NCKAP5: variants seen among roughly 807,000 people sequenced by gnomAD.
NCKAP5 encodes NCK associated protein 5.
NCKAP5 carries 92 observed loss-of-function variants against 167.0 expected under a neutral mutation model. The ratio of observed to expected loss-of-function variants is 0.55; its 90% confidence interval spans 0.47 to 0.66. The LOEUF (loss-of-function observed/expected upper bound fraction) is 0.66. NCKAP5 is among the 30% of genes least tolerant of loss of function. The pLI, the probability that NCKAP5 is intolerant of heterozygous loss-of-function variation, is 0.00. For missense variants in NCKAP5, 2,378 were observed against 2,315.0 expected (o/e 1.03, Z -0.56); for synonymous variants, 891 against 877.4 (o/e 1.02, Z -0.27).
At chr2:133,474,112 A>ATATCTC (rs1679607948) in intron 3 of NCKAP5, among the ~76,000 whole-genome samples, 1 of 137,858 alleles carries the variant, frequency 7.3e-6, no homozygotes. Context: ...AGAAAATGTG[A>ATATCTC]TATCTATCTA....
In NCKAP5 at chr2:132,945,440, C is replaced by T. The variant is rs531196707; in HGVS notation, c.579+18280G>A. Among the ~76,000 whole-genome samples, 5 of 152,124 alleles carry T rather than the reference C, an allele frequency of 3.3e-5. No individual in the cohort carries two copies. The East Asian group carries it at 7.8e-4, about 24-fold the overall frequency. Reference sequence around the variant, plus strand: ...GTTAGCTGAAAGGAGGATCTCTGTGCCCTTGGGAATCGATGGAAGTCATAT... The same window carrying T: ...GTTAGCTGAAAGGAGGATCTCTGTGTCCTTGGGAATCGATGGAAGTCATAT... On this transcript the variant is annotated intron_variant, in intron 8 of 19. Coordinates refer to ENST00000409261, the MANE Select transcript of NCKAP5 (RefSeq NM_207363.3).
At chr2:133,446,596 G>C (rs982258165) in intron 3 of NCKAP5, among the ~76,000 whole-genome samples, 1 of 152,174 alleles carries the variant, frequency 6.6e-6, no homozygotes, top group Non-Finnish European at 1.5e-5. Context: ...CCCAGAAGTC[G>C]TGTGTATGAG....
chr2:133,433,594 C>A (rs938090696), intron 3 of NCKAP5: 2 of 152,070 alleles, frequency 1.3e-5, no homozygotes, highest in African/African-American at 4.8e-5. Context: ...AAATAATGAG[C>A]TAAATAAATC....
chr2:133,501,606 C>T (rs79597312), intron 3 of NCKAP5, among the ~76,000 whole-genome samples: 1 of 152,266 alleles, frequency 6.6e-6, no homozygotes, highest in East Asian at 1.9e-4. Flanking sequence ...ACATTTTAGT[C>T]ATATACTCAA....
intron 3 of NCKAP5, among the ~76,000 whole-genome samples, chr2:133,353,748 C>T (rs1196936748): frequency 1.3e-5 from 2 of 152,150 alleles, no homozygotes; most frequent in African/African-American, 4.8e-5. Context: ...ATGAGAGGCT[C>T]AGCTGGGGAT....
At chr2:133,119,937 G>A (rs1344102078) in intron 6 of NCKAP5, among the ~76,000 whole-genome samples, 1 of 151,750 alleles carries the variant, frequency 6.6e-6, no homozygotes, top group African/African-American at 2.4e-5. Context: ...AATAACATAG[G>A]GAATGATTTT....
intron 6 of NCKAP5, among the ~76,000 whole-genome samples, chr2:133,100,964 T>C (rs2081494617): frequency 6.6e-6 from 1 of 152,196 alleles, no homozygotes; most frequent in Non-Finnish European, 1.5e-5. Flanking sequence ...GTTTTGGACA[T>C]GAAGTCCTTG....
intron 5 of NCKAP5, among the ~76,000 whole-genome samples, chr2:133,143,550 C>A (rs2083078401): frequency 6.6e-6 from 1 of 152,120 alleles, no homozygotes; most frequent in African/African-American, 2.4e-5. Flanking sequence ...CTAGTGCCAG[C>A]AGCCCTACTG....
intron 5 of NCKAP5, among the ~76,000 whole-genome samples, chr2:133,151,076 G>A (rs1277138414): frequency 2.6e-5 from 4 of 152,156 alleles, no homozygotes; most frequent in Non-Finnish European, 5.9e-5. Flanking sequence ...TAGGATACTG[G>A]TAATATTCTA....
intron 19 of NCKAP5, among the ~76,000 whole-genome samples, chr2:132,686,433 CT>C (rs927894208): frequency 6.6e-6 from 1 of 152,150 alleles, no homozygotes; most frequent in Non-Finnish European, 1.5e-5. Context: ...CTTGTTGTCC[CT>C]TCATCCCTGT....
In NCKAP5 at chr2:132,920,747, A is replaced by G. The variant is rs541253381; in HGVS notation, c.580-41831T>C. ...TATATATATATGTATATATATGTGTATATATATATGTATATATATGTATGT... is the reference window on the plus strand; with the variant it reads ...TATATATATATGTATATATATGTGTGTATATATATGTATATATATGTATGT... On this transcript the variant is annotated intron_variant, in intron 8 of 19. Transcript: ENST00000409261. 1.0e-3 allele frequency among the ~76,000 whole-genome samples: 101 copies of G among 100,080 alleles called. 4 individuals are homozygous for G. In the South Asian group the frequency reaches 0.014, roughly 14 times the overall value. The allele number at this position is 100,080 out of a possible 152,430, so 65.7% of individuals were successfully genotyped here.
intron 3 of NCKAP5, among the ~76,000 whole-genome samples, chr2:133,456,332 T>C (rs1691857651): frequency 2.0e-5 from 3 of 152,058 alleles, no homozygotes; most frequent in Admixed American, 2.0e-4. Flanking sequence ...TTCAGGAAAA[T>C]TCTCTAAAGG....
chr2:133,123,661 G>A, intron 6 of NCKAP5: 2 of 408,666 alleles, frequency 4.9e-6, no homozygotes, highest in South Asian at 3.7e-5. Context: ...GCACTCAGGA[G>A]AGCCAGCCTC....
At chr2:133,157,187 G>A (rs1439222930) in intron 5 of NCKAP5, among the ~76,000 whole-genome samples, 1 of 152,168 alleles carries the variant, frequency 6.6e-6, no homozygotes, top group Non-Finnish European at 1.5e-5. Flanking sequence ...TTGAATGTAA[G>A]TATATCTTAT....
At chr2:133,431,771 C>A (rs1156406286) in intron 3 of NCKAP5, 3 of 152,042 alleles carry the variant, frequency 2.0e-5, no homozygotes, top group Non-Finnish European at 2.9e-5. Context: ...ATGGGCAAAG[C>A]AATGATGCTG....
chr2:132,914,008 T>G (rs889852324), intron 8 of NCKAP5, among the ~76,000 whole-genome samples: 1 of 152,202 alleles, frequency 6.6e-6, no homozygotes, highest in African/African-American at 2.4e-5. Context: ...TTAAGATTCT[T>G]AAAGTAAACA....
chr2:133,276,446 A>G (rs1442218109), intron 4 of NCKAP5, among the ~76,000 whole-genome samples: 2 of 152,128 alleles, frequency 1.3e-5, no homozygotes, highest in African/African-American at 4.8e-5. Flanking sequence ...GCAACTTTAT[A>G]GACGTCATAT....
chr2:133,649,928 A>C, the NCKAP5 span, among the ~76,000 whole-genome samples: 1 of 152,154 alleles, frequency 6.6e-6, no homozygotes, highest in African/African-American at 2.4e-5. Flanking sequence ...CTTTTTGCAG[A>C]TGACATGATC....
chr2:133,169,815 G>A (rs1055050361), intron 5 of NCKAP5, among the ~76,000 whole-genome samples: 1 of 152,104 alleles, frequency 6.6e-6, no homozygotes, highest in Non-Finnish European at 1.5e-5. Flanking sequence ...AAATGACCCT[G>A]GCAGTTTTGA....
Sources: allele counts gnomAD v4.1 joint callset (sites outside exome capture counted in the v4.1 genomes callset), GRCh38; gene constraint gnomAD v4.1.1; transcripts MANE v1.5; gene names NCBI Gene and HGNC (gene_info 2026-07-23, HGNC 2026-07-21).